The following AMZ1 variants were observed in gnomAD, a reference collection of about 807,000 sequenced individuals.
The protein encoded by AMZ1 is archaelysin family metallopeptidase 1, also known as archaemetzincin-1.
A neutral mutation model predicts 29.9 loss-of-function variants in AMZ1; 39 were observed. The observed-to-expected ratio is 1.30, with a 90% CI of 1.01 to 1.70. The LOEUF is 1.70. AMZ1 is among the 40% of genes most tolerant of loss of function. The pLI is 0.00. For missense variants in AMZ1, 1,041 were observed against 680.6 expected (o/e 1.53, Z -5.89); for synonymous variants, 458 against 304.0 (o/e 1.51, Z -5.27).
chr7:2,698,166 AG>A (rs1419505138), intron 1 of AMZ1, among the ~76,000 whole-genome samples: 1 of 152,180 alleles, frequency 6.6e-6, no homozygotes, highest in Non-Finnish European at 1.5e-5. Flanking sequence ...GGCTACTGTG[AG>A]CCATGATTGT....
At chr7:2,762,804 G>A, upstream of AMZ1, 2 of 1,531,678 alleles carry the variant, frequency 1.3e-6, no homozygotes, top group Non-Finnish European at 8.8e-7. Flanking sequence ...GGAGCACTCA[G>A]GGCGGCCTCC....
chr7:2,722,422 G>A (rs1031554559), downstream of AMZ1, among the ~76,000 whole-genome samples: 5 of 152,038 alleles, frequency 3.3e-5, no homozygotes, highest in Admixed American at 6.5e-5. Flanking sequence ...ACAGGCGCCC[G>A]CCACCATGCC....
upstream of AMZ1, chr7:2,763,085 G>A (rs963384003): frequency 1.4e-5 from 17 of 1,250,152 alleles, no homozygotes; most frequent in Non-Finnish European, 1.7e-5. Flanking sequence ...CCAGCCTTGA[G>A]TGAGAGACCA....
intron 4 of AMZ1, among the ~76,000 whole-genome samples, chr7:2,750,659 G>A (rs756305975): frequency 8.5e-5 from 13 of 152,296 alleles, no homozygotes; most frequent in Non-Finnish European, 1.8e-4. Context: ...GTTGACTGCG[G>A]GTAACTGAAA....
intron 2 of AMZ1, among the ~76,000 whole-genome samples, chr7:2,701,145 C>T (rs1459953941): frequency 1.3e-5 from 2 of 152,186 alleles, no homozygotes; most frequent in South Asian, 4.1e-4. Flanking sequence ...GCAGGAGAAT[C>T]GCTTGAACCT....
Position 2,708,601 on chromosome 7 carries a change from C to T in AMZ1, c.486C>T (p.Ser162=). ...CTCTCCCCGCAGACGGCATCCTGTC[C>T]TTCTTGAAGAACAACAAGCCAGGGG... is the stretch of plus-strand genomic sequence containing the variant. ...RLQLHTDGIL[S]FLKNNKPGDA... is the part of the protein sequence containing the mutation. The change falls in exon 4 of 7, where the codon TCC becomes TCT. Residue 162 remains serine, a synonymous_variant. Transcript: ENST00000683327. The T allele has an allele frequency of 6.2e-7, 1 of 1,612,368 alleles. No homozygotes were observed. Among genetic ancestry groups the T allele is most frequent in the Non-Finnish European group, 8.5e-7 (1 of 1,179,522 alleles).
At chr7:2,737,279 T>TTTTTTTTTTC (rs1790247967) in intron 4 of AMZ1, among the ~76,000 whole-genome samples, 1 of 73,020 alleles carries the variant, frequency 1.4e-5, no homozygotes, top group African/African-American at 6.1e-5. Context: ...GTTTTGTTTT[T>TTTTTTTTTTC]TTTTTTTTTG....
At chr7:2,752,502 G>A (rs573907700) in intron 4 of AMZ1, among the ~76,000 whole-genome samples, 1 of 152,206 alleles carries the variant, frequency 6.6e-6, no homozygotes, top group South Asian at 2.1e-4. Flanking sequence ...TGGAAAGCAA[G>A]AAATAAAACA....
chr7:2,710,426 G>C (rs1788697550), intron 6 of AMZ1, among the ~76,000 whole-genome samples: 4 of 152,236 alleles, frequency 2.6e-5, no homozygotes. Context: ...CCAGTTATAA[G>C]GTGCTCACTG....
In AMZ1 at chr7:2,700,373, C is replaced by G; in HGVS notation, c.-79C>G. The G allele has an allele frequency of 6.7e-7, 1 of 1,495,146 alleles. No individual in the cohort carries two copies. 92.6% of individuals were successfully genotyped at this position (1,495,146 alleles called of 1,614,324 possible). ...GATCAGCCCGAGGGAAGATTCTGGA[C>G]GAGACCGTGGCCGTCCCCCGGGTGG... On this transcript the variant is annotated 5_prime_UTR_variant, in exon 2 of 7. Coordinates refer to ENST00000683327, the MANE Select transcript of AMZ1 (RefSeq NM_001384743.1).
chr7:2,724,096 G>A (rs904091892), downstream of AMZ1, among the ~76,000 whole-genome samples: 1 of 151,764 alleles, frequency 6.6e-6, no homozygotes, highest in Non-Finnish European at 1.5e-5. Flanking sequence ...TAGTAGAGAT[G>A]GGGAGTGGGG....
chr7:2,757,128 C>CTT (rs1562409543), intron 4 of AMZ1, among the ~76,000 whole-genome samples: 1,384 of 114,610 alleles, frequency 0.012, 40 homozygotes, highest in Non-Finnish European at 0.016. Flanking sequence ...ATCAGGTGGG[C>CTT]CTTTTTTTTT....
At chr7:2,729,692 G>A (rs1789792017) in intron 4 of AMZ1, 1 of 152,392 alleles carries the variant, frequency 6.6e-6, no homozygotes, top group Non-Finnish European at 1.5e-5. Context: ...CGAGGGCCCT[G>A]GGATATGTGA....
chr7:2,730,696 G>C (rs905046365), intron 4 of AMZ1: 3 of 155,326 alleles, frequency 1.9e-5, no homozygotes, highest in African/African-American at 7.2e-5. Context: ...GCATCGGCGT[G>C]CACTGGATCT....
intron 1 of AMZ1, among the ~76,000 whole-genome samples, chr7:2,698,333 T>C (rs1011022454): frequency 2.0e-5 from 3 of 151,744 alleles, no homozygotes; most frequent in African/African-American, 4.8e-5. Flanking sequence ...AGGTCAGGAG[T>C]TTGAGACCAG....
At chr7:2,684,826 C>G (rs1721461665), upstream of AMZ1, among the ~76,000 whole-genome samples, 2 of 151,682 alleles carry the variant, frequency 1.3e-5, no homozygotes, top group South Asian at 4.2e-4. Context: ...CGGGCTGACC[C>G]AACAGACAGA....
chr7:2,686,988 C>G (rs144856887), upstream of AMZ1, among the ~76,000 whole-genome samples: 1,579 of 151,296 alleles, frequency 0.01, 12 homozygotes, highest in Non-Finnish European at 0.018. Context: ...GCTGGGATTA[C>G]AGGCATGAGC....
At chr7:2,758,685 G>C (rs1055801818) in intron 4 of AMZ1, among the ~76,000 whole-genome samples, 1 of 152,228 alleles carries the variant, frequency 6.6e-6, no homozygotes, top group Non-Finnish European at 1.5e-5. Context: ...GTGCTAGAGA[G>C]GTTGGTGCCT....
rs1483085626 is a variant in AMZ1 at position 2,709,738 on chromosome 7, G to A, written c.870G>A (p.Arg290=). The part of the protein sequence containing the change: ...QGALSLDEAL[R]RPLDLCPICL... ...CGCTCAGCCTGGACGAGGCCCTGCG[G>A]CGGCCCCTGGACCTCTGTCCCATCT... is the stretch of plus-strand genomic sequence containing the variant. The change falls in exon 6 of 7, where the codon CGG becomes CGA. Residue 290 remains arginine (R), a synonymous_variant. Coordinates refer to ENST00000683327, the MANE Select transcript of AMZ1 (RefSeq NM_001384743.1). The A allele has an allele frequency of 6.2e-7, 1 of 1,611,498 alleles. No homozygotes were observed.
Sources: allele counts gnomAD v4.1 joint callset (sites outside exome capture counted in the v4.1 genomes callset), GRCh38; gene constraint gnomAD v4.1.1; transcripts MANE v1.5; gene names NCBI Gene and HGNC (gene_info 2026-07-23, HGNC 2026-07-21).